AK7: variants seen among roughly 807,000 people sequenced by gnomAD.
The protein encoded by AK7 is ATP-AMP transphosphorylase 7.
AK7 carries 78 observed loss-of-function variants against 96.6 expected under a neutral mutation model. The observed-to-expected ratio is 0.81, with a 90% CI of 0.67 to 0.97. The LOEUF is 0.97. AK7 is among the 50% of genes least tolerant of loss of function. The pLI is 0.00. For missense variants in AK7, 855 were observed against 887.9 expected, an observed-to-expected ratio of 0.96 and a Z score of 0.47; for synonymous variants, 302 against 317.2, an observed-to-expected ratio of 0.95 and a Z score of 0.51.
At chr14:96,475,941 G>A (rs952686312) in intron 14 of AK7, among the ~76,000 whole-genome samples, 3 of 150,950 alleles carry the variant, frequency 2.0e-5, no homozygotes, top group Admixed American at 1.3e-4. Context: ...ATCATGCCAC[G>A]GCACTTCAGC....
chr14:96,405,010 A>T, intron 3 of AK7, 145 bp downstream of exon 3: 1 of 443,728 alleles, frequency 2.3e-6, no homozygotes, highest in Non-Finnish European at 4.1e-6. Context: ...CCATGATAAT[A>T]ATATGGATAG....
rs76423813 is a variant in AK7, at chr14:96,435,076, C to G, written c.610-2759C>G. ...CAAGTCATGGCAGGGACCCCAAGAG[C>G]CTCCTTGGTGCTCTACCTAACTTTG... On this transcript the variant is annotated intron_variant, in intron 5 of 17. Coordinates refer to ENST00000267584, the MANE Select transcript of AK7 (RefSeq NM_152327.5). Among the ~76,000 whole-genome samples the G allele has an allele frequency of 2.3e-3, 345 of 152,222 alleles. 9 individuals are homozygous for G. The South Asian group carries it at 0.05, about 22-fold the overall frequency.
chr14:96,463,216 A>G (rs1316514562), intron 12 of AK7, among the ~76,000 whole-genome samples: 1 of 152,172 alleles, frequency 6.6e-6, no homozygotes, highest in Admixed American at 6.5e-5. Context: ...AACCATGACC[A>G]TGACTCATGA....
At chr14:96,480,315 C>G (rs1008858036) in intron 15 of AK7, among the ~76,000 whole-genome samples, 1 of 151,888 alleles carries the variant, frequency 6.6e-6, no homozygotes, top group Non-Finnish European at 1.5e-5. Context: ...ACCTGTAATC[C>G]CAGCTACCCA....
At chr14:96,428,976 C>G (rs1227973753) in intron 5 of AK7, among the ~76,000 whole-genome samples, 2 of 152,138 alleles carry the variant, frequency 1.3e-5, no homozygotes, top group East Asian at 1.9e-4. Context: ...AGTTAGATCC[C>G]ATTTGTCTAT....
At position 96,442,774 on chromosome 14, in the gene AK7, T is replaced by C. The variant is rs756645092; in HGVS notation, c.735T>C (p.Asp245=). 6.2e-7 allele frequency: 1 copy of C among 1,614,244 alleles called. No individual in the cohort carries two copies. ...TTCCTGCATTACCAGTTTTTGGCGA[T>C]GGAACAAATGTAATTCCAACAATCC... ...GEIPALPVFG[D]GTNVIPTIHV... The change falls in exon 7 of 18, where the codon GAT becomes GAC. Residue 245 remains aspartate (D), a synonymous_variant. Transcript: ENST00000267584.
Position 96,488,480 on chromosome 14 carries a change from T to C in AK7, c.*137T>C, listed in dbSNP as rs146079007. ...TAGACAAATATTCTATAAACTAGAA[T>C]CTCTATTAAAAGCTATATGACATGA... On this transcript the variant is annotated 3_prime_UTR_variant, in exon 18 of 18. Transcript: ENST00000267584. 2.7e-3 allele frequency: 1,814 copies of C among 677,408 alleles called. 34 individuals carry two copies. In the African/African-American group the frequency reaches 0.031, roughly 11 times the overall value. The allele number at this position is 677,408 out of a possible 1,614,324, so 42.0% of individuals were successfully genotyped here. A position where few individuals can be genotyped will look rare whatever the true frequency, so the allele number is the denominator to read the frequency against.
chr14:96,469,615 T>G (rs1894774166), intron 12 of AK7, among the ~76,000 whole-genome samples: 1 of 152,222 alleles, frequency 6.6e-6, no homozygotes, highest in African/African-American at 2.4e-5. Context: ...CTTCATTTCT[T>G]GGCACCCCTG....
At chr14:96,487,897 C>T in intron 17 of AK7, 1 of 282,178 alleles carries the variant, frequency 3.5e-6, no homozygotes, top group Non-Finnish European at 6.9e-6. Context: ...AATGTATGTA[C>T]TTTTACTTAT....
chr14:96,415,751 T>C (rs1238143128), intron 4 of AK7, among the ~76,000 whole-genome samples: 1 of 145,412 alleles, frequency 6.9e-6, no homozygotes, highest in Non-Finnish European at 1.5e-5. Flanking sequence ...ATTAAATTAA[T>C]TAATTTAATA....
intron 3 of AK7, among the ~76,000 whole-genome samples, chr14:96,406,742 G>A (rs1890735457): frequency 6.6e-6 from 1 of 151,996 alleles, no homozygotes; most frequent in Admixed American, 6.6e-5. Flanking sequence ...CTGGAGTGCA[G>A]CAGTATATCA....
chr14:96,481,274 T>A (rs975470127), intron 15 of AK7, among the ~76,000 whole-genome samples: 1 of 152,200 alleles, frequency 6.6e-6, no homozygotes, highest in African/African-American at 2.4e-5. Flanking sequence ...CTCAAAGGTG[T>A]CCAGTTAGTG....
intron 5 of AK7, among the ~76,000 whole-genome samples, 174 bp from the exon 6 acceptor site, chr14:96,437,661 C>A (rs776309966): frequency 6.6e-6 from 1 of 152,056 alleles, no homozygotes; most frequent in African/African-American, 2.4e-5. Context: ...CTGAATAGTG[C>A]GGGGGTGTCG....
intron 15 of AK7, among the ~76,000 whole-genome samples, chr14:96,479,707 C>T (rs1359864002): frequency 1.3e-5 from 2 of 152,216 alleles, no homozygotes; most frequent in East Asian, 3.9e-4. Context: ...ACAGCTGCTG[C>T]TACTTCCCTT....
At chr14:96,460,423 G>A (rs1458533405) in intron 12 of AK7, among the ~76,000 whole-genome samples, 1 of 152,136 alleles carries the variant, frequency 6.6e-6, no homozygotes, top group Admixed American at 6.6e-5. Flanking sequence ...AGGGATCAAG[G>A]ACAGGGGAGA....
At position 96,419,788 on chromosome 14, in the gene AK7, T is replaced by C. The variant is rs201006034; in HGVS notation, c.499-1034T>C. Among the ~76,000 whole-genome samples the C allele has an allele frequency of 8.3e-3, 1,145 of 138,158 alleles. 36 individuals are homozygous for C. The highest frequency in any genetic ancestry group is 0.08 in the East Asian group (376 of 4,678). 90.6% of individuals were successfully genotyped at this position (138,158 alleles called of 152,430 possible). On this transcript the variant is annotated intron_variant, in intron 4 of 17. Transcript: ENST00000267584. ...CTAAAGCATTTTTTTTTCTTTCTTT[T>C]CTTTTTTTTTTTTTTTTGAGACAAA...
chr14:96,393,969 C>T (rs1005484715), intron 1 of AK7, among the ~76,000 whole-genome samples: 4 of 151,956 alleles, frequency 2.6e-5, no homozygotes, highest in African/African-American at 4.8e-5. Flanking sequence ...ATTAACCGGG[C>T]GTGGTGGCAG....
chr14:96,430,927 A>G (rs987471351), intron 5 of AK7, among the ~76,000 whole-genome samples: 2 of 152,154 alleles, frequency 1.3e-5, no homozygotes, highest in African/African-American at 2.4e-5. Context: ...TTGGTAGACT[A>G]TTAATTATTG....
chr14:96,395,750 A>C (rs1489388507), intron 1 of AK7, among the ~76,000 whole-genome samples: 1 of 125,692 alleles, frequency 8.0e-6, no homozygotes, highest in Non-Finnish European at 1.7e-5. Flanking sequence ...AAAAAGAATG[A>C]GGGAAGGGAG....
Sources: gnomAD v4.1 joint callset for allele counts (sites outside exome capture counted in the v4.1 genomes callset) on GRCh38, gnomAD v4.1.1 for gene constraint, MANE v1.5 for transcripts, NCBI Gene and HGNC (gene_info 2026-07-23, HGNC 2026-07-21) for gene names.